BRD2: variants seen among roughly 807,000 people sequenced by gnomAD.
BRD2 encodes the protein bromodomain-containing protein 2.
In BRD2, 15 loss-of-function variants were observed where a neutral mutation model predicts 79.1. The observed-to-expected ratio is 0.19, with a 90% confidence interval of 0.13 to 0.29. The LOEUF (loss-of-function observed/expected upper bound fraction) is 0.29. Ranked by LOEUF, BRD2 falls within the 10% of genes least tolerant of loss-of-function variation. BRD2 has a pLI of 1.00. For missense variants in BRD2, 1,053 were observed against 991.3 expected (o/e 1.06, Z -0.84); for synonymous variants, 488 against 358.6 (o/e 1.36, Z -4.08).
chr6:32,977,291 C>CT, intron 7 of BRD2, 151 bp from the exon 8 acceptor site: 1 of 1,590,826 alleles, frequency 6.3e-7, no homozygotes, highest in Non-Finnish European at 8.5e-7. Context: ...ACCCAAATTC[C>CT]TTTGACTTCA....
rs1778162568 is a variant in BRD2, at chr6:32,972,617, C to G, written c.-282C>G. 4.3e-5 allele frequency: 25 copies of G among 576,634 alleles called. 2 individuals are homozygous for G. In the South Asian group the frequency reaches 4.6e-4, roughly 11 times the overall value. 35.7% of individuals were successfully genotyped at this position (576,634 alleles called of 1,614,324 possible). On this transcript the variant is annotated 5_prime_UTR_variant, in exon 2 of 13. Coordinates refer to ENST00000374825, the MANE Select transcript of BRD2 (RefSeq NM_005104.4). ...GACGGTGTCTGAGATCGGGGACCGT[C>G]TTTTGAAGAGTCAGTCCCTCCTTAG...
rs563233203 is a variant in BRD2, at chr6:32,978,086, C to G, written c.1579-40C>G. ...TCATTTTTTCTTCTTGTTATTTTATCTTTATTTACTTTTTCCACTTCATGT... is the reference window on the plus strand; with the variant it reads ...TCATTTTTTCTTCTTGTTATTTTATGTTTATTTACTTTTTCCACTTCATGT... On this transcript the variant is annotated intron_variant, in intron 9 of 12. Coordinates refer to ENST00000374825, the MANE Select transcript of BRD2 (RefSeq NM_005104.4). The G allele has an allele frequency of 5.3e-5, 85 of 1,590,400 alleles. No homozygotes were observed. The South Asian group carries it at 9.4e-4, about 18-fold the overall frequency.
intron 2 of BRD2, 199 bp downstream of exon 2, chr6:32,973,126 A>G (rs1369858443): frequency 1.9e-6 from 3 of 1,551,410 alleles, no homozygotes; most frequent in South Asian, 1.2e-5. Context: ...GGAGGGGAAT[A>G]CAGGTTGTCA....
chr6:32,969,335 A>G (rs1477132158), intron 1 of BRD2: 2 of 716,406 alleles, frequency 2.8e-6, no homozygotes, highest in African/African-American at 1.8e-5. Context: ...CCCTGGGGGT[A>G]CAGCAGCCGG....
Position 32,980,149 on chromosome 6 carries a change from G to A in BRD2, c.2146+17G>A, listed in dbSNP as rs1316386317. 4 of 1,605,004 alleles carry A rather than the reference G, an allele frequency of 2.5e-6. No individual in the cohort carries two copies. In the African/African-American group the frequency reaches 5.4e-5, roughly 22 times the overall value. On this transcript the variant is annotated intron_variant, in intron 11 of 12. Transcript: ENST00000374825. ...AGCCCTACAGTACGTATGAAATGAG[G>A]TTCATCTCATGGTTCTGAGGACAGT...
intron 2 of BRD2, chr6:32,973,234 C>T (rs749406326): frequency 1.2e-5 from 16 of 1,350,314 alleles, no homozygotes; most frequent in Non-Finnish European, 1.6e-5. Flanking sequence ...GCAGGTTTGG[C>T]GTTTGGTGGG....
chr6:32,975,279 A>AGG (rs750121705), intron 3 of BRD2, 105 bp from the exon 4 acceptor site: 1 of 646,060 alleles, frequency 1.5e-6, no homozygotes, highest in African/African-American at 1.9e-5. Context: ...TTTGATGCAT[A>AGG]GGGGGGGTGT....
Position 32,972,937 on chromosome 6 carries a change from C to T in BRD2, c.29+10C>T, listed in dbSNP as rs771703104. 25 of 1,613,900 alleles carry T rather than the reference C, an allele frequency of 1.5e-5. No homozygotes were observed. The highest frequency in any genetic ancestry group is 6.7e-5 in the Admixed American group (4 of 60,006). ...TGACTCCCCACAATAAGTACGTTTC[C>T]GCGAGCCGCGTGTGGGAAGGGGATG... On this transcript the variant is annotated intron_variant, in intron 2 of 12. Transcript: ENST00000374825.
In BRD2 at chr6:32,980,765, T is replaced by C; in HGVS notation, c.*47T>C. The C allele has an allele frequency of 6.2e-7, 1 of 1,605,350 alleles. No individual in the cohort carries two copies. Among genetic ancestry groups the C allele is most frequent in the South Asian group, 1.1e-5 (1 of 90,880 alleles). On this transcript the variant is annotated 3_prime_UTR_variant, in exon 13 of 13. Transcript: ENST00000374825. ...GGAAGGCTCCGCAGGACCGGACCCC[T>C]AGACCACCCTGCCCCACCTGCCCCT...
intron 4 of BRD2, among the ~76,000 whole-genome samples, 166 bp from the exon 5 acceptor site, chr6:32,975,865 A>G (rs1778670087): frequency 6.8e-6 from 1 of 147,774 alleles, no homozygotes; most frequent in Non-Finnish European, 1.5e-5. Flanking sequence ...GAAAGTGGAA[A>G]TTAGTAGTGG....
intron 1 of BRD2, chr6:32,969,486 C>T (rs2127495847): frequency 1.7e-6 from 1 of 598,136 alleles, no homozygotes; most frequent in South Asian, 1.9e-5. Flanking sequence ...AGGTTGTTCC[C>T]AGGCGCCAAC....
chr6:32,975,914 A>G, intron 4 of BRD2, 117 bp from the exon 5 acceptor site: 2 of 1,187,268 alleles, frequency 1.7e-6, no homozygotes, highest in Non-Finnish European at 2.3e-6. Context: ...TGATGACAAG[A>G]TGACTGGTGG....
At position 32,975,369 on chromosome 6, in the gene BRD2, C is replaced by G; in HGVS notation, c.334-15C>G. 5 of 1,593,570 alleles carry G rather than the reference C, an allele frequency of 3.1e-6. No individual in the cohort carries two copies. Among genetic ancestry groups the G allele is most frequent in the Non-Finnish European group, 4.3e-6 (5 of 1,165,990 alleles). On this transcript the variant is annotated splice_polypyrimidine_tract_variant and intron_variant, in intron 3 of 12. Coordinates refer to ENST00000374825, the MANE Select transcript of BRD2 (RefSeq NM_005104.4). ...TTATTTTTCTGTGGTTCTGACCTAA[C>G]ATTTTTTTATTTAGGATTATCACAA...
At chr6:32,975,973 G>A in intron 4 of BRD2, 58 bp from the exon 5 acceptor site, 1 of 1,542,286 alleles carries the variant, frequency 6.5e-7, no homozygotes, top group South Asian at 1.3e-5. Context: ...AAGATGGTGT[G>A]TATCTATCTT....
rs897672871 is a variant in BRD2 at position 32,974,893 on chromosome 6, C to G, written c.333+128C>G. On this transcript the variant is annotated intron_variant, in intron 3 of 12. Transcript: ENST00000374825. ...CATTTCTCCCCTGTAGGGCAGTTAG[C>G]TACCAGATTTCTGGGTATCTTGGTC... 6.4e-5 allele frequency: 89 copies of G among 1,391,512 alleles called. 1 individual carries two copies. In the African/African-American group the frequency reaches 8.6e-4, roughly 13 times the overall value. 86.2% of individuals were successfully genotyped at this position (1,391,512 alleles called of 1,614,324 possible).
chr6:32,969,597 T>G (rs1344254059), intron 1 of BRD2, among the ~76,000 whole-genome samples: 1 of 152,220 alleles, frequency 6.6e-6, no homozygotes, highest in Non-Finnish European at 1.5e-5. Flanking sequence ...GAGGTTACGC[T>G]TCGAGTCGCT....
At position 32,977,564 on chromosome 6, in the gene BRD2, G is replaced by A. The variant is rs1437256704; in HGVS notation, c.1323G>A (p.Lys441=). 3.1e-6 allele frequency: 5 copies of A among 1,613,874 alleles called. No homozygotes were observed. Among genetic ancestry groups the A allele is most frequent in the African/African-American group, 1.3e-5 (1 of 74,932 alleles). ...PDHDVVAMAR[K]LQDVFEFRYA... ...ACGATGTTGTGGCAATGGCACGAAA[G>A]CTACAGGTGAGTGGAAAGGTTGGAG... Residue 441 remains lysine (K), a synonymous_variant, in exon 8 of 13, where the codon AAG becomes AAA. Coordinates refer to ENST00000374825, the MANE Select transcript of BRD2 (RefSeq NM_005104.4).
intron 1 of BRD2, chr6:32,969,263 T>C: frequency 1.4e-6 from 1 of 694,324 alleles, no homozygotes; most frequent in Non-Finnish European, 2.7e-6. Context: ...GCCTCATGCC[T>C]CCGTACCCAT....
intron 2 of BRD2, among the ~76,000 whole-genome samples, chr6:32,973,912 G>T (rs866019258): frequency 3.9e-5 from 6 of 152,084 alleles, no homozygotes; most frequent in African/African-American, 1.4e-4. Flanking sequence ...TCTAGTCTAT[G>T]TTCTGTTGTG....
Sources: gnomAD v4.1 joint callset for allele counts (sites outside exome capture counted in the v4.1 genomes callset) on GRCh38, gnomAD v4.1.1 for gene constraint, MANE v1.5 for transcripts, NCBI Gene and HGNC (gene_info 2026-07-23, HGNC 2026-07-21) for gene names.